The following FRYL variants were observed in gnomAD, a reference collection of about 807,000 sequenced individuals.
FRYL encodes FRY like transcription coactivator, also known as protein furry homolog-like.
Under a neutral mutation model 351.2 loss-of-function variants are expected in FRYL, and 150 were observed. That is an observed-to-expected ratio of 0.43 (90% CI 0.37 to 0.49). The LOEUF (loss-of-function observed/expected upper bound fraction) is 0.49. Ranked by LOEUF, FRYL falls within the 20% of genes least tolerant of loss-of-function variation. FRYL has a pLI of 0.00. For missense variants in FRYL, 3,036 were observed against 3,619.3 expected (o/e 0.84, Z 4.13); for synonymous variants, 1,153 against 1,257.1 (o/e 0.92, Z 1.75).
chr4:48,522,514 T>A (rs908174744), intron 54 of FRYL, among the ~76,000 whole-genome samples: 23 of 152,184 alleles, frequency 1.5e-4, no homozygotes, highest in African/African-American at 5.1e-4. Flanking sequence ...CTCTACTTGA[T>A]CTCGAAAGGG....
chr4:48,775,871 C>A (rs747420292), intron 1 of FRYL, among the ~76,000 whole-genome samples: 1 of 151,960 alleles, frequency 6.6e-6, no homozygotes, highest in South Asian at 2.1e-4. Context: ...AGCTTTGTAT[C>A]CTAAGAAAAG....
Position 48,548,803 on chromosome 4 carries a change from A to G in FRYL, c.4785-10T>C, listed in dbSNP as rs951487098. The G allele has an allele frequency of 2.0e-6, 3 of 1,506,754 alleles. No individual in the cohort carries two copies. The South Asian group carries it at 3.6e-5, about 18-fold the overall frequency. The allele number at this position is 1,506,754 out of a possible 1,614,324, so 93.3% of individuals were successfully genotyped here. ...CACTGCTATGTTACACCTATGACAA[A>G]TAAGAGTTTCATTAACGTTTTACTA... On this transcript the variant is annotated splice_polypyrimidine_tract_variant and intron_variant, in intron 39 of 63. Transcript: ENST00000358350.
At chr4:48,716,162 C>G (rs1239500015) in intron 1 of FRYL, among the ~76,000 whole-genome samples, 1 of 151,896 alleles carries the variant, frequency 6.6e-6, no homozygotes, top group African/African-American at 2.4e-5. Context: ...GACCTAAAAC[C>G]GTAAAAACCC....
chr4:48,711,902 C>A (rs917238569), intron 1 of FRYL, among the ~76,000 whole-genome samples: 4 of 152,146 alleles, frequency 2.6e-5, no homozygotes, highest in African/African-American at 9.7e-5. Flanking sequence ...GCAGCATTTG[C>A]GGTTCACGAA....
chr4:48,618,357 T>C (rs141343908), intron 7 of FRYL: 42 of 152,292 alleles, frequency 2.8e-4, no homozygotes, highest in African/African-American at 1.0e-3. Flanking sequence ...TTCAAGTACT[T>C]TTATACTATG....
intron 1 of FRYL, among the ~76,000 whole-genome samples, chr4:48,775,030 T>C (rs1775868733): frequency 6.6e-6 from 1 of 152,184 alleles, no homozygotes; most frequent in Admixed American, 6.5e-5. Context: ...ACCTGTAAAG[T>C]ATAAGGAAAG....
At chr4:48,584,617 T>G (rs1357118384) in intron 19 of FRYL, among the ~76,000 whole-genome samples, 1 of 152,176 alleles carries the variant, frequency 6.6e-6, no homozygotes, top group African/African-American at 2.4e-5. Flanking sequence ...ATTTCAACAT[T>G]CCTTAAATCC....
chr4:48,520,959 CA>C, intron 55 of FRYL, 88 bp downstream of exon 55: 1 of 929,110 alleles, frequency 1.1e-6, no homozygotes, highest in Non-Finnish European at 1.5e-6. Context: ...AAATCAACTT[CA>C]AAACTTTTTT....
At chr4:48,616,366 C>T (rs565408545) in intron 7 of FRYL, among the ~76,000 whole-genome samples, 4 of 152,072 alleles carry the variant, frequency 2.6e-5, no homozygotes, top group African/African-American at 7.2e-5. Context: ...CAATTAAGAA[C>T]ATTTCTTCAC....
chr4:48,563,765 A>G lies in FRYL; in HGVS notation c.3596+183T>C, dbSNP rs1459912995. Among the ~76,000 whole-genome samples, 7 of 152,076 alleles carry G rather than the reference A, an allele frequency of 4.6e-5. No homozygotes were observed. The East Asian group carries it at 1.3e-3, about 29-fold the overall frequency. The stretch of plus-strand genomic sequence containing the variant: ...TGCATAGAGTAAATACAAATACTAC[A>G]GCATTTTATATAGAAGGCTAGAGCA... On this transcript the variant is annotated intron_variant, in intron 31 of 63. Coordinates refer to ENST00000358350, the MANE Select transcript of FRYL (RefSeq NM_015030.2).
At chr4:48,757,253 G>A (rs1773891371) in intron 1 of FRYL, among the ~76,000 whole-genome samples, 1 of 152,124 alleles carries the variant, frequency 6.6e-6, no homozygotes, top group South Asian at 2.1e-4. Flanking sequence ...GCCAGGGCAG[G>A]AGAAGGAAAT....
chr4:48,545,545 G>A (rs527873947), intron 42 of FRYL, among the ~76,000 whole-genome samples: 2 of 152,098 alleles, frequency 1.3e-5, no homozygotes, highest in South Asian at 4.2e-4. Context: ...CAACCTTATG[G>A]CCTGGGCTTC....
At chr4:48,648,693 G>A (rs1191747056) in intron 3 of FRYL, among the ~76,000 whole-genome samples, 1 of 152,014 alleles carries the variant, frequency 6.6e-6, no homozygotes, top group Non-Finnish European at 1.5e-5. Flanking sequence ...TCCATCCAAT[G>A]GAACATTATT....
Position 48,528,224 on chromosome 4 carries a change from T to C in FRYL, c.7016A>G (p.Asn2339Ser). 6.2e-7 allele frequency: 1 copy of C among 1,613,428 alleles called. No individual in the cohort carries two copies. The highest frequency in any genetic ancestry group is 8.5e-7 in the Non-Finnish European group (1 of 1,179,520). The change falls in exon 51 of 64, where the codon AAT becomes AGT. Residue 2339 changes from asparagine to serine, a missense_variant. By Grantham distance (46) the Asn-to-Ser change is conservative. Coordinates refer to ENST00000358350, the MANE Select transcript of FRYL (RefSeq NM_015030.2). ...ACTAACAGGAACCAAGGCATTAGAA[T>C]TAGAACCAGAAGAAGTTGAGGAAGT... ...RSTSSTSSGS[N>S]SNALVPVSWK...
intron 25 of FRYL, among the ~76,000 whole-genome samples, chr4:48,573,810 C>T (rs919085881): frequency 6.6e-6 from 1 of 152,154 alleles, no homozygotes; most frequent in African/African-American, 2.4e-5. Context: ...CTCAGCCTCC[C>T]AAAGTGTTGG....
intron 1 of FRYL, among the ~76,000 whole-genome samples, chr4:48,717,451 C>T (rs1246824741): frequency 2.6e-5 from 4 of 151,370 alleles, no homozygotes; most frequent in Non-Finnish European, 5.9e-5. Context: ...TTAATGGGTA[C>T]AGGGTTTCTT....
At chr4:48,627,375 T>A (rs1752047841) in intron 4 of FRYL, among the ~76,000 whole-genome samples, 1 of 152,302 alleles carries the variant, frequency 6.6e-6, no homozygotes, top group East Asian at 1.9e-4. Flanking sequence ...TTTACTCATG[T>A]AGCATATTTA....
rs553667297 is a variant in FRYL at position 48,608,921 on chromosome 4, T to C, written c.572+66A>G. 9.7e-6 allele frequency: 9 copies of C among 927,476 alleles called. No homozygotes were observed. In the East Asian group the frequency reaches 2.2e-4, roughly 22 times the overall value. The allele number at this position is 927,476 out of a possible 1,614,324, so 57.5% of individuals were successfully genotyped here. On this transcript the variant is annotated intron_variant, in intron 9 of 63. Coordinates refer to ENST00000358350, the MANE Select transcript of FRYL (RefSeq NM_015030.2). ...GATTTCGAACTATCAGTATCTATTG[T>C]ATTCATTGGTAATGAAGCATTCTAA...
At chr4:48,502,706 A>G in intron 61 of FRYL, 122 bp downstream of exon 61, 3 of 667,158 alleles carry the variant, frequency 4.5e-6, no homozygotes, top group Non-Finnish European at 5.2e-6. Context: ...AAACTGAAGC[A>G]CATACTACTT....
Sources: gnomAD v4.1 joint callset for allele counts (sites outside exome capture counted in the v4.1 genomes callset) on GRCh38, gnomAD v4.1.1 for gene constraint, MANE v1.5 for transcripts, NCBI Gene and HGNC (gene_info 2026-07-23, HGNC 2026-07-21) for gene names.